PLEKHA6: variants seen among roughly 807,000 people sequenced by gnomAD.
The protein encoded by PLEKHA6 is pleckstrin homology domain-containing family A member 6.
PLEKHA6 carries 60 observed loss-of-function variants against 116.7 expected under a neutral mutation model. The ratio of observed to expected loss-of-function variants is 0.51; its 90% CI spans 0.42 to 0.64. PLEKHA6 has a LOEUF of 0.64. Among genes scored for constraint, PLEKHA6 ranks in the 30% least tolerant of loss-of-function variants. The pLI, the probability that PLEKHA6 is intolerant of heterozygous loss-of-function variation, is 0.00. For synonymous variants in PLEKHA6, 489 were observed against 556.1 expected (o/e 0.88, Z 1.70); for missense variants, 1,338 against 1,422.7 (o/e 0.94, Z 0.96).
Position 204,259,418 on chromosome 1 carries a change from T to C in PLEKHA6, c.847A>G (p.Thr283Ala). The C allele has an allele frequency of 6.2e-7, 1 of 1,614,216 alleles. No individual in the cohort carries two copies. The highest frequency in any genetic ancestry group is 8.5e-7 in the Non-Finnish European group (1 of 1,180,038). Residue 283 changes from threonine (T) to alanine (A), a missense_variant, in exon 8 of 23, where the codon ACA becomes GCA. Physicochemically the swap from Thr to Ala is moderately conservative, Grantham distance 58 (BLOSUM62 0). Coordinates refer to ENST00000272203, the MANE Select transcript of PLEKHA6 (RefSeq NM_014935.5). This position sits in a 1 kb window ranked among gnomAD's most constrained non-coding sequence, Gnocchi z 4.6. ...QYHSPSRPGSTAFPSQDGETG... is the reference protein window; with the variant it reads ...QYHSPSRPGSAAFPSQDGETG... Reference sequence around the variant, plus strand: ...TCTCCATCCTGAGACGGGAAAGCTGTGCTCCCTGGCCGGCTTGGGGAGTGG... The same window carrying C: ...TCTCCATCCTGAGACGGGAAAGCTGCGCTCCCTGGCCGGCTTGGGGAGTGG...
rs775683156 is a variant in PLEKHA6, at chr1:204,261,358, G to C, written c.472C>G (p.Arg158Gly). Residue 158 changes from arginine to glycine, a missense_variant, in exon 7 of 23, where the codon CGA becomes GGA. Around this residue, in one of 3 missense-constraint regions of PLEKHA6, gnomAD observed 140 missense variants for 197.4 expected, o/e 0.71. Transcript: ENST00000272203. This position sits in a 1 kb window ranked among gnomAD's most constrained non-coding sequence, Gnocchi z 4.0. ...AWIQAMGEAARVQIPPAQKSV... is the reference protein window; with the variant it reads ...AWIQAMGEAAGVQIPPAQKSV... ...TTCTGGGCTGGAGGGATCTGTACTC[G>C]AGCAGCCTCCCCCATGGCCTGGATC... is the stretch of plus-strand genomic sequence containing the variant. 1.9e-6 allele frequency: 3 copies of C among 1,614,046 alleles called. No homozygotes were observed. The highest frequency in any genetic ancestry group is 1.7e-5 in the Admixed American group (1 of 60,008).
intron 1 of PLEKHA6, among the ~76,000 whole-genome samples, chr1:204,278,933 G>A (rs533637210): frequency 1.8e-4 from 28 of 152,112 alleles, no homozygotes; most frequent in Non-Finnish European, 3.7e-4. Flanking sequence ...TTCTATCACC[G>A]AGGGCTTCCC....
At chr1:204,243,921 C>T (rs987200234) in intron 15 of PLEKHA6, among the ~76,000 whole-genome samples, 3 of 151,934 alleles carry the variant, frequency 2.0e-5, no homozygotes, top group Non-Finnish European at 4.4e-5. Context: ...CATGGGTTCA[C>T]GCCATTCTCC....
intron 2 of PLEKHA6, among the ~76,000 whole-genome samples, chr1:204,370,433 C>G (rs568830270): frequency 6.6e-6 from 1 of 152,362 alleles, no homozygotes; most frequent in Admixed American, 6.5e-5. Flanking sequence ...GGAGAGATAT[C>G]TCCCCGCACT....
At chr1:204,269,481 G>A (rs1403286557) in intron 3 of PLEKHA6, among the ~76,000 whole-genome samples, 2 of 148,746 alleles carry the variant, frequency 1.3e-5, no homozygotes, top group African/African-American at 4.9e-5. Flanking sequence ...TACAGATGAG[G>A]TTGCCACAGA....
intron 1 of PLEKHA6, among the ~76,000 whole-genome samples, chr1:204,348,213 G>A (rs75577088): frequency 0.015 from 2,245 of 152,288 alleles, 33 homozygotes; most frequent in Non-Finnish European, 0.023. Flanking sequence ...AAATTAACAA[G>A]AAACCTAGAG....
intron 17 of PLEKHA6, among the ~76,000 whole-genome samples, chr1:204,236,748 C>T (rs1420769815): frequency 6.6e-6 from 1 of 152,080 alleles, no homozygotes; most frequent in African/African-American, 2.4e-5. Context: ...GGTAGGAAGC[C>T]TACTGCATTC....
At chr1:204,303,383 G>GA (rs1287532083) in intron 1 of PLEKHA6, among the ~76,000 whole-genome samples, 1 of 152,156 alleles carries the variant, frequency 6.6e-6, no homozygotes, top group South Asian at 2.1e-4. Flanking sequence ...AAAATGGGAT[G>GA]AAAAAATCAG....
chr1:204,352,870 AG>A (rs1432968739), intron 1 of PLEKHA6, among the ~76,000 whole-genome samples: 1 of 152,178 alleles, frequency 6.6e-6, no homozygotes, highest in African/African-American at 2.4e-5. Context: ...CTGTGGTCCC[AG>A]CTACTCAGGA....
chr1:204,310,581 G>A (rs771779377), intron 1 of PLEKHA6, among the ~76,000 whole-genome samples: 10 of 152,058 alleles, frequency 6.6e-5, no homozygotes, highest in South Asian at 2.1e-4. Context: ...GACTTTTTAC[G>A]CCAAAAACGT....
At chr1:204,362,372 A>G (rs1175822174), upstream of PLEKHA6, among the ~76,000 whole-genome samples, 1 of 152,074 alleles carries the variant, frequency 6.6e-6, no homozygotes, top group Non-Finnish European at 1.5e-5. Flanking sequence ...CTGCTCTACA[A>G]TCACTGGTCC....
At chr1:204,328,395 CTT>C (rs1558184153) in intron 1 of PLEKHA6, among the ~76,000 whole-genome samples, 2 of 141,632 alleles carry the variant, frequency 1.4e-5, no homozygotes, top group East Asian at 4.3e-4. Context: ...AGTCAATTTT[CTT>C]TCTTTTTTTT....
intron 1 of PLEKHA6, among the ~76,000 whole-genome samples, chr1:204,281,766 C>G (rs4075219): frequency 0.64 from 97,281 of 151,810 alleles, 31,793 homozygotes; most frequent in East Asian, 0.82. Flanking sequence ...TATTTCCAAA[C>G]TGTCAAGAAG....
chr1:204,360,388 C>CCA (rs1468630402), upstream of PLEKHA6, among the ~76,000 whole-genome samples: 1 of 151,948 alleles, frequency 6.6e-6, no homozygotes, highest in East Asian at 2.0e-4. Context: ...CCCCCGCCCC[C>CCA]CCCCCAATAT....
intron 1 of PLEKHA6, among the ~76,000 whole-genome samples, chr1:204,329,307 G>A (rs939102673): frequency 6.6e-5 from 10 of 152,152 alleles, no homozygotes; most frequent in African/African-American, 2.4e-4. Flanking sequence ...GCCTTCATGG[G>A]GCCCATGTCT....
chr1:204,283,803 C>A (rs935283190), intron 1 of PLEKHA6, among the ~76,000 whole-genome samples: 20 of 152,210 alleles, frequency 1.3e-4, no homozygotes, highest in Non-Finnish European at 2.1e-4. Flanking sequence ...GGGCTGGGGG[C>A]TACCCACAAA....
At chr1:204,306,018 C>T (rs1281824814) in intron 1 of PLEKHA6, among the ~76,000 whole-genome samples, 4 of 152,188 alleles carry the variant, frequency 2.6e-5, no homozygotes, top group Admixed American at 6.5e-5. Flanking sequence ...AGATCACTTG[C>T]CTGGCTGCAG....
In PLEKHA6 at chr1:204,359,685, CAG is replaced by C. The variant is rs938458186; in HGVS notation, c.-95+7_-95+8del. The C allele has an allele frequency of 3.7e-5, 36 of 980,418 alleles. No homozygotes were observed. Among genetic ancestry groups the C allele is most frequent in the Non-Finnish European group, 4.1e-5 (34 of 825,510 alleles). The allele number at this position is 980,418 out of a possible 1,614,324, so 60.7% of individuals were successfully genotyped here. A position where few individuals can be genotyped will look rare whatever the true frequency, so the allele number is the denominator to read the frequency against. On this transcript the variant is annotated splice_region_variant and intron_variant, in intron 1 of 22. Coordinates refer to ENST00000272203, the MANE Select transcript of PLEKHA6 (RefSeq NM_014935.5). Reference sequence around the variant, plus strand: ...ACCTCATCTATGTGATGCATGAAAACAGACTCACCGGCTTCTGAGGTGTGATC... The same window carrying C: ...ACCTCATCTATGTGATGCATGAAAACACTCACCGGCTTCTGAGGTGTGATC...
In PLEKHA6 at chr1:204,241,816, T is replaced by C. The variant is rs1662860537; in HGVS notation, c.2173-2A>G. The C allele has an allele frequency of 1.2e-6, 2 of 1,614,120 alleles. No homozygotes were observed. The highest frequency in any genetic ancestry group is 1.7e-6 in the Non-Finnish European group (2 of 1,180,008). Reference sequence around the variant, plus strand: ...GCTTTGTTCATAGTTTGCCTTGGGCTGGGGAGAAAGGGTGAGAAGATGGTT... The same window carrying C: ...GCTTTGTTCATAGTTTGCCTTGGGCCGGGGAGAAAGGGTGAGAAGATGGTT... On this transcript the variant is annotated splice_acceptor_variant, in intron 15 of 22. Coordinates refer to ENST00000272203, the MANE Select transcript of PLEKHA6 (RefSeq NM_014935.5). LOFTEE classifies it high-confidence loss of function.
Sources: allele counts gnomAD v4.1 joint callset (sites outside exome capture counted in the v4.1 genomes callset), GRCh38; gene constraint gnomAD v4.1.1; regional missense constraint gnomAD v4.1.1; non-coding constraint Gnocchi (gnomAD v3.1); transcripts MANE v1.5; gene names NCBI Gene and HGNC (gene_info 2026-07-23, HGNC 2026-07-21).